Variants in PEX5L observed in about 807,000 individuals in gnomAD.
PEX5L encodes peroxisomal biogenesis factor 5 like.
A neutral mutation model predicts 84.0 loss-of-function variants in PEX5L; 30 were observed. The observed-to-expected ratio is 0.36, with a 90% CI of 0.27 to 0.48. The LOEUF (loss-of-function observed/expected upper bound fraction) is 0.48, where lower values mean the gene tolerates loss of function less well. PEX5L is among the 20% of genes least tolerant of loss of function. The probability of loss-of-function intolerance (pLI) is 0.99; values close to 1 mark genes in which losing one functional copy is unlikely to be tolerated. For missense variants in PEX5L, 533 were observed against 754.6 expected, an observed-to-expected ratio of 0.71 and a Z score of 3.44; for synonymous variants, 270 against 283.1, an observed-to-expected ratio of 0.95 and a Z score of 0.46.
intron 2 of PEX5L, among the ~76,000 whole-genome samples, chr3:179,920,963 T>C (rs1769172623): frequency 6.6e-6 from 1 of 152,042 alleles, no homozygotes; most frequent in Non-Finnish European, 1.5e-5. Context: ...GAGAAAACAA[T>C]GAAGTCCCAT....
chr3:179,917,649 T>C (rs181051285), intron 2 of PEX5L, among the ~76,000 whole-genome samples: 2 of 152,308 alleles, frequency 1.3e-5, no homozygotes, highest in East Asian at 1.9e-4. Context: ...TGTTGTTGAC[T>C]GAAACGTCTT....
chr3:179,906,087 C>T (rs185613702), intron 2 of PEX5L, among the ~76,000 whole-genome samples: 8 of 152,166 alleles, frequency 5.3e-5, no homozygotes, highest in Admixed American at 2.0e-4. Flanking sequence ...AAGATGTTGC[C>T]GGGTAAAGAT....
At chr3:179,970,773 A>C (rs1784515892) in intron 2 of PEX5L, among the ~76,000 whole-genome samples, 1 of 152,172 alleles carries the variant, frequency 6.6e-6, no homozygotes, top group African/African-American at 2.4e-5. Flanking sequence ...TCTGTAAATT[A>C]CTGACTGCTT....
rs1486937921 is a variant in PEX5L, at chr3:179,890,458, T to C, written c.199-2674A>G. On this transcript the variant is annotated intron_variant, in intron 3 of 14. Transcript: ENST00000467460. Reference sequence around the variant, plus strand: ...ACCAATACAACTGTGACTTTCAAAGTATGAATATGTATGGACAATGTCATA... The same window carrying C: ...ACCAATACAACTGTGACTTTCAAAGCATGAATATGTATGGACAATGTCATA... Among the ~76,000 whole-genome samples, 3 of 152,230 alleles carry C rather than the reference T, an allele frequency of 2.0e-5. No homozygotes were observed. The East Asian group carries it at 5.8e-4, about 29-fold the overall frequency.
At chr3:179,819,145 T>C (rs1054263385) in intron 9 of PEX5L, among the ~76,000 whole-genome samples, 1 of 152,194 alleles carries the variant, frequency 6.6e-6, no homozygotes, top group African/African-American at 2.4e-5. Flanking sequence ...TCTTGGCTAT[T>C]GTGATATATG....
At chr3:179,874,283 A>C in intron 7 of PEX5L, 44 bp downstream of exon 7, 1 of 1,077,486 alleles carries the variant, frequency 9.3e-7, no homozygotes, top group Non-Finnish European at 1.4e-6. Context: ...GCTATACACT[A>C]TATATAGGGA....
chr3:179,981,486 T>G (rs1188689679), intron 1 of PEX5L, among the ~76,000 whole-genome samples: 1 of 152,206 alleles, frequency 6.6e-6, no homozygotes, highest in East Asian at 1.9e-4. Context: ...ACCAATTTTA[T>G]AATGACATGC....
chr3:179,915,320 A>G (rs937487608), intron 2 of PEX5L, among the ~76,000 whole-genome samples: 1 of 152,258 alleles, frequency 6.6e-6, no homozygotes, highest in African/African-American at 2.4e-5. Flanking sequence ...TTTACCGTGC[A>G]GTAGTGCTTT....
chr3:179,874,354 T>C lies in PEX5L; in HGVS notation c.699A>G (p.Ser233=), dbSNP rs112268010. The C allele has an allele frequency of 3.1e-6, 5 of 1,612,322 alleles. No homozygotes were observed. In the African/African-American group the frequency reaches 4.0e-5, roughly 13 times the overall value. The change falls in exon 7 of 15, where the codon TCA becomes TCG. Residue 233 remains serine (S), a synonymous_variant. Transcript: ENST00000467460. ...GAGTCGGAGCCACTAATTCCAATTCTGAAGCCGACTCAGAGTTGAGGGCGC... is the reference window on the plus strand; with the variant it reads ...GAGTCGGAGCCACTAATTCCAATTCCGAAGCCGACTCAGAGTTGAGGGCGC... The part of the protein sequence containing the change: ...GKSALNSESA[S]ELELVAPTQA...
intron 2 of PEX5L, among the ~76,000 whole-genome samples, chr3:179,919,207 C>T (rs1768365048): frequency 6.6e-6 from 1 of 152,200 alleles, no homozygotes; most frequent in African/African-American, 2.4e-5. Context: ...AACACTCCAG[C>T]AAAGTAGGTT....
chr3:179,970,656 G>A (rs1784483576), intron 2 of PEX5L, among the ~76,000 whole-genome samples: 1 of 151,990 alleles, frequency 6.6e-6, no homozygotes, highest in Non-Finnish European at 1.5e-5. Flanking sequence ...ACCTTCTGAT[G>A]GTCATTTTTC....
At chr3:179,929,203 CCA>C in intron 2 of PEX5L, among the ~76,000 whole-genome samples, 1 of 152,114 alleles carries the variant, frequency 6.6e-6, no homozygotes, top group South Asian at 2.1e-4. Flanking sequence ...CTCTAGCCTC[CCA>C]AACAGTTAAA....
At chr3:179,818,212 C>T (rs139568074) in intron 9 of PEX5L, among the ~76,000 whole-genome samples, 2,106 of 152,004 alleles carry the variant, frequency 0.014, 33 homozygotes, top group South Asian at 0.044. Flanking sequence ...AGACTTCCTC[C>T]GCCACAAAAT....
chr3:179,906,201 A>C (rs190073321), intron 2 of PEX5L, among the ~76,000 whole-genome samples: 66 of 152,338 alleles, frequency 4.3e-4, no homozygotes, highest in African/African-American at 1.4e-3. Flanking sequence ...GAGAGGATTA[A>C]ACATTCCCCC....
intron 1 of PEX5L, among the ~76,000 whole-genome samples, chr3:180,001,595 T>C (rs1026827641): frequency 3.9e-5 from 6 of 152,028 alleles, no homozygotes; most frequent in African/African-American, 1.2e-4. Flanking sequence ...ATAAACAGTG[T>C]TCACTACATT....
chr3:180,034,958 G>T (rs886429971), intron 1 of PEX5L, among the ~76,000 whole-genome samples: 1 of 152,150 alleles, frequency 6.6e-6, no homozygotes, highest in Admixed American at 6.5e-5. Context: ...AGAAAATTGA[G>T]TTAAAATTGT....
intron 1 of PEX5L, among the ~76,000 whole-genome samples, chr3:179,994,512 A>G (rs185390937): frequency 6.2e-4 from 95 of 152,256 alleles, no homozygotes; most frequent in Non-Finnish European, 2.6e-4. Context: ...CTTATCCCAG[A>G]GTAAAGTGTT....
chr3:179,954,687 G>A (rs1298569816), intron 2 of PEX5L, among the ~76,000 whole-genome samples: 1 of 152,162 alleles, frequency 6.6e-6, no homozygotes, highest in Non-Finnish European at 1.5e-5. Context: ...TGGAGCGCGG[G>A]CTTTGGAGGC....
intron 1 of PEX5L, among the ~76,000 whole-genome samples, chr3:180,004,063 C>CT (rs1286938327): frequency 6.6e-6 from 1 of 152,136 alleles, no homozygotes; most frequent in Non-Finnish European, 1.5e-5. Flanking sequence ...TTGGAACAGC[C>CT]TTTTCAATTT....
Sources: gnomAD v4.1 joint callset for allele counts (sites outside exome capture counted in the v4.1 genomes callset) on GRCh38, gnomAD v4.1.1 for gene constraint, MANE v1.5 for transcripts, NCBI Gene and HGNC (gene_info 2026-07-23, HGNC 2026-07-21) for gene names.